The following VPS13B variants were observed in gnomAD, a reference collection of about 807,000 sequenced individuals.
VPS13B encodes intermembrane lipid transfer protein VPS13B.
VPS13B carries 285 observed loss-of-function variants against 426.4 expected under a neutral mutation model. The observed-to-expected ratio is 0.67, with a 90% CI of 0.61 to 0.74. The LOEUF is 0.74. Ranked by LOEUF, VPS13B falls within the 30% of genes least tolerant of loss-of-function variation. VPS13B has a pLI of 0.00. For synonymous variants in VPS13B, 1,676 were observed against 1,676.4 expected, an observed-to-expected ratio of 1.00 and a Z score of 0.01; for missense variants, 4,537 against 4,782.6, an observed-to-expected ratio of 0.95 and a Z score of 1.51.
intron 14 of VPS13B, among the ~76,000 whole-genome samples, chr8:99,151,813 G>A (rs955028591): frequency 3.9e-5 from 6 of 152,080 alleles, no homozygotes; most frequent in Admixed American, 2.6e-4. Flanking sequence ...GTTTATAGGC[G>A]TGAGCTACCA....
chr8:99,384,321 A>G lies in VPS13B; in HGVS notation c.2934+4A>G. 6.2e-7 allele frequency: 1 copy of G among 1,607,456 alleles called. No homozygotes were observed. The highest frequency in any genetic ancestry group is 8.5e-7 in the Non-Finnish European group (1 of 1,174,582). On this transcript the variant is annotated splice_donor_region_variant and intron_variant, in intron 20 of 61. Transcript: ENST00000357162. ...AACAAGTAGACATATGCAACAGGTA[A>G]GAGATTTTTAAATAATTTTTTCTGT...
chr8:99,462,821 C>T (rs951866217), intron 23 of VPS13B, among the ~76,000 whole-genome samples: 8 of 152,124 alleles, frequency 5.3e-5, no homozygotes, highest in African/African-American at 1.9e-4. Context: ...ACCAGAGCTT[C>T]CTCTCTCTTG....
chr8:99,276,227 A>G (rs559795924), intron 19 of VPS13B, among the ~76,000 whole-genome samples: 1 of 152,274 alleles, frequency 6.6e-6, no homozygotes, highest in Admixed American at 6.5e-5. Context: ...TTATGATAAT[A>G]TTTGCAGTTG....
At chr8:99,501,971 G>GTC in intron 26 of VPS13B, 113 bp downstream of exon 26, 1 of 1,194,298 alleles carries the variant, frequency 8.4e-7, no homozygotes, top group Non-Finnish European at 1.2e-6. Context: ...CTGTCTGTCT[G>GTC]TCTTTCCGTC....
At position 99,778,986 on chromosome 8, in the gene VPS13B, G is replaced by A. The variant is rs1237963374; in HGVS notation, c.7734G>A (p.Gln2578=). ...ATTCTGTATTTGTAAACCTTGGACAGCATGTAGTCCATTCACTAAACACTG... is the reference window on the plus strand; with the variant it reads ...ATTCTGTATTTGTAAACCTTGGACAACATGTAGTCCATTCACTAAACACTG... The part of the protein sequence containing the change: ...IVDSVFVNLG[Q]HVVHSLNTAI... Residue 2578 remains glutamine (Q), a synonymous_variant, in exon 42 of 62, where the codon CAG becomes CAA. Transcript: ENST00000357162. 3.1e-6 allele frequency: 5 copies of A among 1,613,696 alleles called. No individual in the cohort carries two copies. The highest frequency in any genetic ancestry group is 4.2e-6 in the Non-Finnish European group (5 of 1,179,838).
chr8:99,143,148 A>G lies in VPS13B; in HGVS notation c.1826A>G (p.Tyr609Cys). 1 of 1,614,020 alleles carries G rather than the reference A, an allele frequency of 6.2e-7. No individual in the cohort carries two copies. The highest frequency in any genetic ancestry group is 8.5e-7 in the Non-Finnish European group (1 of 1,179,938). ...GCCTTGGAACATGAATATGAACCAT[A>G]TAGCAGGCTAAAATCAGGTTTGTTT... is the stretch of plus-strand genomic sequence containing the variant. ...VCALEHEYEP[Y>C]SRLKSDIKDE... The change falls in exon 13 of 62, where the codon TAT becomes TGT. Residue 609 changes from tyrosine to cysteine, a missense_variant. Tyr to Cys is a radical substitution (Grantham distance 194, BLOSUM62 -2). Around this residue, in one of 2 missense-constraint regions of VPS13B, gnomAD observed 4,311 missense variants for 4,474.3 expected, o/e 0.96. Coordinates refer to ENST00000357162, the MANE Select transcript of VPS13B (RefSeq NM_152564.5).
chr8:99,051,435 T>A (rs1843546296), intron 3 of VPS13B, among the ~76,000 whole-genome samples: 2 of 151,558 alleles, frequency 1.3e-5, no homozygotes, highest in Admixed American at 1.3e-4. Flanking sequence ...TACTGTAGCC[T>A]TGTAGTATAG....
At chr8:99,613,307 G>A (rs1187927901) in intron 33 of VPS13B, among the ~76,000 whole-genome samples, 1 of 152,196 alleles carries the variant, frequency 6.6e-6, no homozygotes, top group Non-Finnish European at 1.5e-5. Context: ...CCAGGCCAGT[G>A]ACCAATGATA....
intron 43 of VPS13B, among the ~76,000 whole-genome samples, chr8:99,801,043 C>A (rs1302709272): frequency 6.6e-6 from 1 of 152,098 alleles, no homozygotes; most frequent in Non-Finnish European, 1.5e-5. Context: ...TTTCAAACAG[C>A]CAAACAGTGA....
At position 99,764,475 on chromosome 8, in the gene VPS13B, G is replaced by A. The variant is rs1180586323; in HGVS notation, c.7051-2299G>A. Among the ~76,000 whole-genome samples, 12 of 146,638 alleles carry A rather than the reference G, an allele frequency of 8.2e-5. No homozygotes were observed. In the South Asian group the frequency reaches 1.3e-3, roughly 16 times the overall value. On this transcript the variant is annotated intron_variant, in intron 39 of 61. Transcript: ENST00000357162. ...GTTGCCCAGGCTGGAGTGCAGTGGC[G>A]CGATCTTGGCTCATGGCAACCTCCA...
At chr8:99,873,784 G>A (rs544833684) in intron 61 of VPS13B, among the ~76,000 whole-genome samples, 4 of 152,168 alleles carry the variant, frequency 2.6e-5, no homozygotes, top group Non-Finnish European at 5.9e-5. Flanking sequence ...AGGGGAGGGT[G>A]GCCAGCAGCA....
chr8:99,086,093 C>A (rs1440708036), intron 3 of VPS13B, among the ~76,000 whole-genome samples: 1 of 152,206 alleles, frequency 6.6e-6, no homozygotes, highest in Non-Finnish European at 1.5e-5. Context: ...CTTTCAGATA[C>A]ACCAGTGAGA....
intron 35 of VPS13B, chr8:99,697,592 A>G: frequency 1.5e-6 from 1 of 662,208 alleles, no homozygotes. Context: ...GGAACTCTCA[A>G]AGACTGGTAG....
chr8:99,416,417 G>A (rs947553629), intron 21 of VPS13B, among the ~76,000 whole-genome samples: 8 of 152,100 alleles, frequency 5.3e-5, no homozygotes, highest in East Asian at 1.9e-4. Flanking sequence ...CCCTTTCCAG[G>A]GGAGCAAATG....
chr8:99,023,101 G>C (rs1372169333), intron 2 of VPS13B, among the ~76,000 whole-genome samples: 1 of 151,190 alleles, frequency 6.6e-6, no homozygotes, highest in East Asian at 1.9e-4. Context: ...TGATTCTCTT[G>C]CCTCAGCCTC....
chr8:99,163,353 C>T (rs572373864), intron 15 of VPS13B, among the ~76,000 whole-genome samples: 15 of 152,346 alleles, frequency 9.8e-5, no homozygotes, highest in African/African-American at 1.7e-4. Context: ...GATCCCGCAC[C>T]GGGGCTGCAG....
At chr8:99,625,265 A>G (rs1362673555) in intron 33 of VPS13B, among the ~76,000 whole-genome samples, 1 of 152,210 alleles carries the variant, frequency 6.6e-6, no homozygotes, top group African/African-American at 2.4e-5. Context: ...AGTCAAGACA[A>G]TACTCATGAA....
intron 33 of VPS13B, among the ~76,000 whole-genome samples, chr8:99,635,678 A>C (rs1357832359): frequency 6.6e-6 from 1 of 151,980 alleles, no homozygotes; most frequent in Admixed American, 6.6e-5. Context: ...AATTTTAAGC[A>C]TCCATTTATT....
Position 99,147,912 on chromosome 8 carries a change from C to G in VPS13B, c.1915C>G (p.Arg639Gly), listed in dbSNP as rs764776104. 1.2e-6 allele frequency: 2 copies of G among 1,613,216 alleles called. No homozygotes were observed. Among genetic ancestry groups the G allele is most frequent in the South Asian group, 2.2e-5 (2 of 90,824 alleles). Residue 639 changes from arginine to glycine, a missense_variant, in exon 14 of 62, where the codon CGA becomes GGA. Arg to Gly is a moderately radical substitution (Grantham distance 125). Coordinates refer to ENST00000357162, the MANE Select transcript of VPS13B (RefSeq NM_152564.5). ...TCTTCTGGAGGAATATATTCCTACT[C>G]GACATACAAGTGTTACTCTCCTCAA... ...VALLEEYIPT[R>G]HTSVTLLKCT...
Sources: gnomAD v4.1 joint callset for allele counts (sites outside exome capture counted in the v4.1 genomes callset) on GRCh38, gnomAD v4.1.1 for gene constraint, gnomAD v4.1.1 regional missense constraint, MANE v1.5 for transcripts, NCBI Gene and HGNC (gene_info 2026-07-23, HGNC 2026-07-21) for gene names.